GRIK3: variants seen among roughly 807,000 people sequenced by gnomAD.
GRIK3 encodes the protein glutamate ionotropic receptor kainate type subunit 3, also known as glutamate receptor ionotropic, kainate 3.
In GRIK3, 29 loss-of-function variants were observed where a neutral mutation model predicts 102.5. The observed-to-expected ratio is 0.28, with a 90% CI of 0.21 to 0.39. GRIK3 has a LOEUF of 0.39. Ranked by LOEUF, GRIK3 falls within the 10% of genes least tolerant of loss-of-function variation. The pLI is 1.00. For synonymous variants in GRIK3, 511 were observed against 504.9 expected (o/e 1.01, Z -0.16); for missense variants, 908 against 1,252.4 (o/e 0.73, Z 4.15).
At chr1:36,847,995 T>A (rs1328908435) in intron 9 of GRIK3, among the ~76,000 whole-genome samples, 2 of 152,204 alleles carry the variant, frequency 1.3e-5, no homozygotes, top group Admixed American at 6.5e-5. Context: ...ATACTGGGAA[T>A]GCAACCTCTG....
chr1:36,879,905 G>C (rs1640947551), intron 3 of GRIK3, among the ~76,000 whole-genome samples: 1 of 152,192 alleles, frequency 6.6e-6, no homozygotes, highest in African/African-American at 2.4e-5. Flanking sequence ...GCACTGGCTG[G>C]GGTCAGCGGT....
In GRIK3 at chr1:36,872,936, C is replaced by A. The variant is rs980677646; in HGVS notation, c.551-567G>T. ...GTACCAACCACTGGGCTGGGTAAGG[C>A]CAGGAGGTATTTGTGTCTCCGCCCT... On this transcript the variant is annotated intron_variant, in intron 3 of 15. Transcript: ENST00000373091. The surrounding 1 kb of genome is among the most constrained non-coding windows in gnomAD (Gnocchi z 5.9). Among the ~76,000 whole-genome samples, 1 of 152,204 alleles carries A rather than the reference C, an allele frequency of 6.6e-6. No individual in the cohort carries two copies. The highest frequency in any genetic ancestry group is 2.4e-5 in the African/African-American group (1 of 41,462).
At chr1:36,885,863 C>A (rs925527852) in intron 2 of GRIK3, among the ~76,000 whole-genome samples, 4 of 152,236 alleles carry the variant, frequency 2.6e-5, no homozygotes, top group African/African-American at 9.6e-5. Context: ...TTTACAGTAA[C>A]TCAATGGTTC....
intron 1 of GRIK3, among the ~76,000 whole-genome samples, chr1:36,970,486 C>T (rs1228210905): frequency 6.6e-6 from 1 of 152,200 alleles, no homozygotes; most frequent in Non-Finnish European, 1.5e-5. Flanking sequence ...TACTCTTTTG[C>T]CCACCATTGG....
intron 5 of GRIK3, among the ~76,000 whole-genome samples, chr1:36,867,846 T>C (rs1023287422): frequency 6.6e-6 from 1 of 152,118 alleles, no homozygotes; most frequent in African/African-American, 2.4e-5. Flanking sequence ...AAATATCCTA[T>C]TAAAAGCATC....
chr1:36,938,635 A>G (rs990918035), intron 1 of GRIK3, among the ~76,000 whole-genome samples: 4 of 152,066 alleles, frequency 2.6e-5, no homozygotes, highest in African/African-American at 7.2e-5. Flanking sequence ...ATCCCCCAGC[A>G]GCAGTGTTTG....
intron 1 of GRIK3, among the ~76,000 whole-genome samples, chr1:36,961,031 C>T (rs191439347): frequency 3.6e-4 from 55 of 152,336 alleles, no homozygotes; most frequent in African/African-American, 1.2e-3. Flanking sequence ...TACATGGAGA[C>T]GACCTGTCTT....
At chr1:36,836,530 C>T (rs1640381116) in intron 10 of GRIK3, among the ~76,000 whole-genome samples, 2 of 152,254 alleles carry the variant, frequency 1.3e-5, no homozygotes. Context: ...CCTCCCTGGT[C>T]TGCACTCAGT....
chr1:36,837,610 C>A (rs1461841230), intron 10 of GRIK3, among the ~76,000 whole-genome samples: 1 of 152,164 alleles, frequency 6.6e-6, no homozygotes, highest in Non-Finnish European at 1.5e-5. Context: ...CACCCCCTGG[C>A]TCCACTTCAG....
Position 37,034,076 on chromosome 1 carries a change from C to T in GRIK3, c.33G>A (p.Leu11=), listed in dbSNP as rs750963513. 1.9e-6 allele frequency: 3 copies of T among 1,598,086 alleles called. No individual in the cohort carries two copies. Among genetic ancestry groups the T allele is most frequent in the South Asian group, 2.2e-5 (2 of 89,562 alleles). MTAPWRRLRS[L]VWEYWAGLLV... ...GGAGCCCGGCCCAGTATTCCCAAAC[C>T]AGACTCCGGAGGCGCCGCCAGGGAG... The change falls in exon 1 of 16, where the codon CTG becomes CTA. Residue 11 remains leucine (L), a synonymous_variant. Coordinates refer to ENST00000373091, the MANE Select transcript of GRIK3 (RefSeq NM_000831.4).
At chr1:36,853,872 G>A (rs564366957) in intron 7 of GRIK3, 150 bp from the exon 8 acceptor site, 21 of 626,680 alleles carry the variant, frequency 3.4e-5, no homozygotes, top group East Asian at 1.4e-4. Context: ...ATCATTGCTC[G>A]GGCTGCGGTG....
intron 1 of GRIK3, among the ~76,000 whole-genome samples, chr1:36,898,778 A>G (rs1344277159): frequency 6.6e-6 from 1 of 152,186 alleles, no homozygotes; most frequent in Non-Finnish European, 1.5e-5. Context: ...AAGTTGAAAG[A>G]CATTTCCTGA....
At chr1:36,921,493 C>T (rs1318465844) in intron 1 of GRIK3, among the ~76,000 whole-genome samples, 1 of 152,208 alleles carries the variant, frequency 6.6e-6, no homozygotes, top group African/African-American at 2.4e-5. Context: ...TCACAGGGTT[C>T]CATGAGGATC....
chr1:36,916,266 G>T (rs1374806843), intron 1 of GRIK3, among the ~76,000 whole-genome samples: 1 of 152,154 alleles, frequency 6.6e-6, no homozygotes, highest in African/African-American at 2.4e-5. Context: ...CATTCAAAAG[G>T]TGACTTGGGT....
At chr1:36,956,801 T>G (rs540822087) in intron 1 of GRIK3, among the ~76,000 whole-genome samples, 4 of 152,280 alleles carry the variant, frequency 2.6e-5, no homozygotes, top group African/African-American at 9.6e-5. Flanking sequence ...TACTGTTCTA[T>G]TCTCTCTACT....
At chr1:36,825,264 C>T (rs1349654467) in intron 11 of GRIK3, among the ~76,000 whole-genome samples, 3 of 152,160 alleles carry the variant, frequency 2.0e-5, no homozygotes, top group African/African-American at 4.8e-5. Context: ...CCTGAGTCTG[C>T]TGCACCAGGT....
At chr1:36,841,275 T>C (rs1640445844) in intron 10 of GRIK3, among the ~76,000 whole-genome samples, 1 of 152,160 alleles carries the variant, frequency 6.6e-6, no homozygotes, top group Non-Finnish European at 1.5e-5. Flanking sequence ...AGCTCTCAGC[T>C]TCCTGGACTC....
chr1:36,853,562 A>G, intron 8 of GRIK3, 53 bp downstream of exon 8: 1 of 1,196,844 alleles, frequency 8.4e-7, no homozygotes, highest in Non-Finnish European at 1.2e-6. Context: ...GCCCTAGGAG[A>G]TTTAAGAAGC....
At chr1:36,904,870 T>C (rs1464573618) in intron 1 of GRIK3, among the ~76,000 whole-genome samples, 1 of 152,180 alleles carries the variant, frequency 6.6e-6, no homozygotes, top group Non-Finnish European at 1.5e-5. Flanking sequence ...GCAGACATTC[T>C]CCATAATAAA....
Sources: gnomAD v4.1 joint callset for allele counts (sites outside exome capture counted in the v4.1 genomes callset) on GRCh38, gnomAD v4.1.1 for gene constraint, Gnocchi (gnomAD v3.1) non-coding constraint, MANE v1.5 for transcripts, NCBI Gene and HGNC (gene_info 2026-07-23, HGNC 2026-07-21) for gene names.